TRPV3: variants seen among roughly 807,000 people sequenced by gnomAD.
TRPV3 encodes VRL-3.
Under a neutral mutation model 87.1 loss-of-function variants are expected in TRPV3, and 88 were observed. The ratio of observed to expected loss-of-function variants is 1.01; its 90% CI spans 0.85 to 1.21. TRPV3 has a LOEUF of 1.21. Ranked by LOEUF, TRPV3 falls within the 50% of genes most tolerant of loss-of-function variation. The pLI, the probability that TRPV3 is intolerant of heterozygous loss-of-function variation, is 0.00. For missense variants in TRPV3, 1,054 were observed against 1,030.1 expected (o/e 1.02, Z -0.32); for synonymous variants, 438 against 423.3 (o/e 1.03, Z -0.43).
At chr17:3,525,100 A>C (rs1346740538) in intron 12 of TRPV3, among the ~76,000 whole-genome samples, 2 of 151,778 alleles carry the variant, frequency 1.3e-5, no homozygotes, top group Non-Finnish European at 2.9e-5. Flanking sequence ...GCTCACTGCA[A>C]CCTCCGCCTC....
chr17:3,523,247 C>T (rs1274215917), intron 13 of TRPV3, among the ~76,000 whole-genome samples: 1 of 152,150 alleles, frequency 6.6e-6, no homozygotes, highest in African/African-American at 2.4e-5. Flanking sequence ...AAACTAGTAT[C>T]CAATTCAGCA....
rs1277934845 is a variant in TRPV3 at position 3,528,527 on chromosome 17, C to CA, written c.1401+309dup. ...GAGCTTATCCTCCTCCCGTTTCCTG[C>CA]AGCCCTCACAGCAGAAACACCCAGC... On this transcript the variant is annotated intron_variant, in intron 10 of 17. Transcript: ENST00000576742. The surrounding 1 kb of genome is among the most constrained non-coding windows in gnomAD (Gnocchi z 4.2). Among the ~76,000 whole-genome samples, 1 of 152,172 alleles carries CA rather than the reference C, an allele frequency of 6.6e-6. No individual in the cohort carries two copies. The highest frequency in any genetic ancestry group is 1.9e-4 in the East Asian group (1 of 5,192).
chr17:3,549,565 G>A (rs2074553996), intron 2 of TRPV3, among the ~76,000 whole-genome samples: 1 of 152,212 alleles, frequency 6.6e-6, no homozygotes, highest in Non-Finnish European at 1.5e-5. Context: ...ATGAATGAGT[G>A]GAAGGAAGGA....
At chr17:3,535,763 C>CAGAAA (rs2074404048) in intron 6 of TRPV3, 50 bp from the exon 7 acceptor site, 1 of 1,413,266 alleles carries the variant, frequency 7.1e-7, no homozygotes, top group Non-Finnish European at 9.2e-7. Flanking sequence ...GGCACAGGGG[C>CAGAAA]CTCTTGCCCA....
intron 9 of TRPV3, 46 bp downstream of exon 9, chr17:3,529,981 C>A: frequency 6.3e-7 from 1 of 1,581,840 alleles, no homozygotes; most frequent in South Asian, 1.2e-5. Flanking sequence ...GGCCTGAGGT[C>A]CAGCCCTCTT....
chr17:3,514,656 A>T lies in TRPV3; in HGVS notation c.2215T>A (p.Trp739Arg). The change falls in exon 17 of 18, where the codon TGG (tryptophan) becomes AGG (arginine). Residue 739 changes from tryptophan to arginine, a missense_variant. By Grantham distance (101) the Trp-to-Arg change is moderately radical (BLOSUM62 -3). Coordinates refer to ENST00000576742, the MANE Select transcript of TRPV3 (RefSeq NM_145068.4). ...GAGACGTGCGTCTTCCATTCAGTCCACTTCACCTCATTGATCCTGCAAATG... is the reference window on the plus strand; with the variant it reads ...GAGACGTGCGTCTTCCATTCAGTCCTCTTCACCTCATTGATCCTGCAAATG... Reference protein sequence around the residue: ...RLCLRINEVKWTEWKTHVSFL... With the variant: ...RLCLRINEVKRTEWKTHVSFL... 1 of 1,613,592 alleles carries T rather than the reference A, an allele frequency of 6.2e-7. No individual in the cohort carries two copies. Among genetic ancestry groups the T allele is most frequent in the Non-Finnish European group, 8.5e-7 (1 of 1,179,638 alleles).
In TRPV3 at chr17:3,514,674, T is replaced by C; in HGVS notation, c.2199-2A>G. 6.2e-7 allele frequency: 1 copy of C among 1,611,588 alleles called. No individual in the cohort carries two copies. Among genetic ancestry groups the C allele is most frequent in the Non-Finnish European group, 8.5e-7 (1 of 1,177,768 alleles). ...TCAGTCCACTTCACCTCATTGATCC[T>C]GCAAATGTGATAATCATTCTTACTA... On this transcript the variant is annotated splice_acceptor_variant, in intron 16 of 17. Coordinates refer to ENST00000576742, the MANE Select transcript of TRPV3 (RefSeq NM_145068.4). LOFTEE classifies it high-confidence loss of function.
intron 2 of TRPV3, among the ~76,000 whole-genome samples, chr17:3,546,266 A>AC (rs2074524783): frequency 6.6e-6 from 1 of 151,684 alleles, no homozygotes; most frequent in South Asian, 2.1e-4. Flanking sequence ...ATATGGAGAA[A>AC]CCCCGTCTCT....
chr17:3,550,883 T>C (rs542627298), intron 2 of TRPV3, among the ~76,000 whole-genome samples: 1 of 152,306 alleles, frequency 6.6e-6, no homozygotes, highest in East Asian at 1.9e-4. Context: ...ATCCTCTGTG[T>C]AAGAAACTCA....
In TRPV3 at chr17:3,511,384, G is replaced by C. The variant is rs926286388; in HGVS notation, c.*2533C>G. ...AATAATGGCTCAGGGAGACATCTGTGGTCCAAGAATCAGGACACTCCAGCC... is the reference window on the plus strand; with the variant it reads ...AATAATGGCTCAGGGAGACATCTGTCGTCCAAGAATCAGGACACTCCAGCC... On this transcript the variant is annotated 3_prime_UTR_variant, in exon 18 of 18. Transcript: ENST00000576742. The C allele has an allele frequency of 6.6e-6, 1 of 152,182 alleles. No individual in the cohort carries two copies. Among genetic ancestry groups the C allele is most frequent in the African/African-American group, 2.4e-5 (1 of 41,428 alleles). The allele number at this position is 152,182 out of a possible 1,614,324, so 9.4% of individuals were successfully genotyped here. A position where few individuals can be genotyped will look rare whatever the true frequency, so the allele number is the denominator to read the frequency against.
intron 8 of TRPV3, among the ~76,000 whole-genome samples, chr17:3,532,389 C>G (rs890810616): frequency 3.9e-5 from 6 of 152,256 alleles, no homozygotes; most frequent in Non-Finnish European, 7.3e-5. Context: ...CTCCCCCAGC[C>G]TAGCCCTCCC....
intron 7 of TRPV3, among the ~76,000 whole-genome samples, chr17:3,534,793 C>T (rs1410882504): frequency 7.2e-5 from 11 of 152,096 alleles, no homozygotes; most frequent in Admixed American, 7.2e-4. Context: ...GAGCTGGAGG[C>T]CAGGACACCT....
intron 15 of TRPV3, among the ~76,000 whole-genome samples, chr17:3,517,786 C>T (rs952538301): frequency 6.6e-6 from 1 of 150,394 alleles, no homozygotes; most frequent in African/African-American, 2.4e-5. Flanking sequence ...CAAAGGCACG[C>T]TCACCTTTTT....
At chr17:3,546,961 CCTT>C (rs1450295062) in intron 2 of TRPV3, among the ~76,000 whole-genome samples, 2 of 57,138 alleles carry the variant, frequency 3.5e-5, no homozygotes. Context: ...GAGCGGGACT[CCTT>C]CTCAAAAAAA....
chr17:3,552,034 C>A lies in TRPV3; in HGVS notation c.119+2698G>T, dbSNP rs558880197. Among the ~76,000 whole-genome samples the A allele has an allele frequency of 2.0e-5, 3 of 150,682 alleles. No homozygotes were observed. The South Asian group carries it at 6.3e-4, about 32-fold the overall frequency. Reference sequence around the variant, plus strand: ...AGTAGCTGGGATTACAGGTGCCTACCACAGCATCCAGCTAATTTTTGTATT... The same window carrying A: ...AGTAGCTGGGATTACAGGTGCCTACAACAGCATCCAGCTAATTTTTGTATT... On this transcript the variant is annotated intron_variant, in intron 2 of 17. Coordinates refer to ENST00000576742, the MANE Select transcript of TRPV3 (RefSeq NM_145068.4).
Position 3,521,015 on chromosome 17 carries a change from A to G in TRPV3, c.1768T>C (p.Phe590Leu). The G allele has an allele frequency of 1.9e-6, 3 of 1,608,716 alleles. No individual in the cohort carries two copies. Among genetic ancestry groups the G allele is most frequent in the Non-Finnish European group, 2.6e-6 (3 of 1,176,372 alleles). Residue 590 changes from phenylalanine to leucine, a missense_variant, in exon 14 of 18, where the codon TTC (phenylalanine) becomes CTC (leucine). By Grantham distance (22) the Phe-to-Leu change is conservative. Transcript: ENST00000576742. The stretch of plus-strand genomic sequence containing the variant: ...AAAAACACGATATATACAAACAAGA[A>G]CTTCAGAACATCATGCAAAATGACC... ...QKVILHDVLK[F>L]LFVYIVFLLG...
intron 2 of TRPV3, among the ~76,000 whole-genome samples, chr17:3,551,255 A>G (rs1477038435): frequency 6.6e-6 from 1 of 152,090 alleles, no homozygotes; most frequent in African/African-American, 2.4e-5. Flanking sequence ...GGAGGACCCC[A>G]ACTGTTGGGC....
intron 17 of TRPV3, 48 bp from the exon 18 acceptor site, chr17:3,514,059 G>C (rs1324779566): frequency 6.9e-7 from 1 of 1,440,004 alleles, no homozygotes; most frequent in Admixed American, 2.1e-5. Context: ...ACTCTGCATA[G>C]TGTGTTTCTT....
At chr17:3,515,493 T>C (rs754900870) in intron 16 of TRPV3, among the ~76,000 whole-genome samples, 3 of 151,920 alleles carry the variant, frequency 2.0e-5, no homozygotes, top group Non-Finnish European at 2.9e-5. Context: ...AAACCTCGTC[T>C]CTAATAAAAA....
Sources: allele counts gnomAD v4.1 joint callset (sites outside exome capture counted in the v4.1 genomes callset), GRCh38; gene constraint gnomAD v4.1.1; non-coding constraint Gnocchi (gnomAD v3.1); transcripts MANE v1.5; gene names NCBI Gene and HGNC (gene_info 2026-07-23, HGNC 2026-07-21).